CENPO: variants seen among roughly 807,000 people sequenced by gnomAD.
CENPO encodes centromeric protein O.
A neutral mutation model predicts 36.1 loss-of-function variants in CENPO; 30 were observed. That is an observed-to-expected ratio of 0.83 (90% confidence interval 0.62 to 1.13). The LOEUF is 1.13. Ranked by LOEUF, CENPO falls within the 50% of genes most tolerant of loss-of-function variation. The probability of loss-of-function intolerance (pLI) is 0.00; values close to 1 mark genes in which losing one functional copy is unlikely to be tolerated. For synonymous variants in CENPO, 171 were observed against 142.3 expected, an observed-to-expected ratio of 1.20 and a Z score of -1.44; for missense variants, 349 against 357.8, an observed-to-expected ratio of 0.98 and a Z score of 0.20.
intron 6 of CENPO, 124 bp from the exon 7 acceptor site, chr2:24,817,546 G>T (rs920708123): frequency 2.4e-6 from 3 of 1,249,640 alleles, no homozygotes; most frequent in Admixed American, 2.0e-5. Flanking sequence ...CACTGAGTGA[G>T]ATTGAATGTC....
intron 3 of CENPO, among the ~76,000 whole-genome samples, chr2:24,801,853 A>C (rs1026094234): frequency 6.6e-5 from 10 of 152,164 alleles, no homozygotes; most frequent in African/African-American, 2.2e-4. Context: ...GTTTTTTCCA[A>C]TTCTGTGAAG....
At position 24,821,029 on chromosome 2, in the gene CENPO, T is replaced by A. The variant is rs561632179; in HGVS notation, c.*1711T>A. On this transcript the variant is annotated 3_prime_UTR_variant, in exon 8 of 8. Coordinates refer to ENST00000380834, the MANE Select transcript of CENPO (RefSeq NM_001322101.2). ...CACATCTCCTGTTTATCCGTGTGCT[T>A]GTTAGGTGTCAGCCGCCACCCCCCC... 1.1e-6 allele frequency: 1 copy of A among 891,050 alleles called. No homozygotes were observed. The highest frequency in any genetic ancestry group is 1.7e-5 in the African/African-American group (1 of 58,348). The allele number at this position is 891,050 out of a possible 1,614,324, so 55.2% of individuals were successfully genotyped here.
chr2:24,814,371 T>C lies in CENPO; in HGVS notation c.217-5T>C. 2.9e-6 allele frequency: 4 copies of C among 1,378,598 alleles called. No individual in the cohort carries two copies. The highest frequency in any genetic ancestry group is 4.1e-6 in the Non-Finnish European group (4 of 965,052). 85.4% of individuals were successfully genotyped at this position (1,378,598 alleles called of 1,614,324 possible). A position where few individuals can be genotyped will look rare whatever the true frequency, so the allele number is the denominator to read the frequency against. ...ACCAAGATTGATTTGCTGCATATCT[T>C]GCAGGTGAAAGCATGTATTGCCAAT... On this transcript the variant is annotated splice_polypyrimidine_tract_variant and splice_region_variant and intron_variant, in intron 3 of 7. Transcript: ENST00000380834.
chr2:24,793,617 C>G (rs1391141152), intron 1 of CENPO, 116 bp downstream of exon 1: 2 of 1,427,342 alleles, frequency 1.4e-6, no homozygotes, highest in East Asian at 5.0e-5. Flanking sequence ...GCCCGCTGGA[C>G]CAGAGTAGCC....
rs554329230 is a variant in CENPO at position 24,816,918 on chromosome 2, TTCTC to T, written c.766+103_766+106del. ...CATGAAGTAGACCTCTTGAGACACT[TTCTC>T]TGTTTATATACTGTACATTACTCAG... On this transcript the variant is annotated intron_variant, in intron 6 of 7. Coordinates refer to ENST00000380834, the MANE Select transcript of CENPO (RefSeq NM_001322101.2). 1.3e-4 allele frequency: 147 copies of T among 1,160,672 alleles called. No homozygotes were observed. The East Asian group carries it at 3.0e-3, about 24-fold the overall frequency. The allele number at this position is 1,160,672 out of a possible 1,614,324, so 71.9% of individuals were successfully genotyped here. A position where few individuals can be genotyped will look rare whatever the true frequency, so the allele number is the denominator to read the frequency against.
At chr2:24,811,282 C>CTTTTTTTTTTTTTTT (rs70947848) in intron 3 of CENPO, among the ~76,000 whole-genome samples, 5 of 105,548 alleles carry the variant, frequency 4.7e-5, no homozygotes, top group African/African-American at 7.6e-5. Flanking sequence ...AGTCCATGAA[C>CTTTTTTTTTTTTTTT]TTTTTTTTTT....
At chr2:24,793,550 C>G (rs771412460) in intron 1 of CENPO, 49 bp downstream of exon 1, 3 of 1,523,804 alleles carry the variant, frequency 2.0e-6, no homozygotes, top group Non-Finnish European at 2.6e-6. Context: ...TCGGACCGGA[C>G]CGTGGCCAGG....
At chr2:24,801,012 C>T (rs990312922) in intron 3 of CENPO, among the ~76,000 whole-genome samples, 60 of 152,122 alleles carry the variant, frequency 3.9e-4, no homozygotes, top group African/African-American at 1.3e-3. Flanking sequence ...TTTTAATGAT[C>T]GCCATTCTAA....
intron 4 of CENPO, 72 bp from the exon 5 acceptor site, chr2:24,815,425 T>C (rs745732110): frequency 1.1e-4 from 133 of 1,176,594 alleles, no homozygotes; most frequent in Non-Finnish European, 1.6e-4. Flanking sequence ...CTGTGGAAGC[T>C]ACTGGAGGCA....
At chr2:24,798,712 G>C (rs1012890550) in intron 2 of CENPO, among the ~76,000 whole-genome samples, 1 of 151,832 alleles carries the variant, frequency 6.6e-6, no homozygotes, top group East Asian at 1.9e-4. Flanking sequence ...CACCCGCCTC[G>C]GCCTCCCAAA....
At chr2:24,794,182 A>C (rs1413213860) in intron 2 of CENPO, among the ~76,000 whole-genome samples, 2 of 152,240 alleles carry the variant, frequency 1.3e-5, no homozygotes, top group Non-Finnish European at 2.9e-5. Context: ...GAAACGGATA[A>C]GTTGCATCCA....
chr2:24,817,537 A>G (rs1356141279), intron 6 of CENPO, 133 bp from the exon 7 acceptor site: 2 of 1,146,656 alleles, frequency 1.7e-6, no homozygotes, highest in Admixed American at 2.2e-5. Flanking sequence ...CCCCAGCTGC[A>G]CTGAGTGAGA....
At chr2:24,817,311 A>G (rs543650499) in intron 6 of CENPO, among the ~76,000 whole-genome samples, 54 of 152,314 alleles carry the variant, frequency 3.5e-4, no homozygotes, top group Non-Finnish European at 6.6e-4. Flanking sequence ...GACATGGGCA[A>G]TAATGAAAAA....
intron 3 of CENPO, among the ~76,000 whole-genome samples, chr2:24,812,269 G>A (rs893865834): frequency 2.0e-5 from 3 of 152,150 alleles, no homozygotes; most frequent in Non-Finnish European, 4.4e-5. Flanking sequence ...CTTGTCAGGT[G>A]TGAAGTTTTG....
In CENPO at chr2:24,820,438, T is replaced by A; in HGVS notation, c.*1120T>A. 7.6e-7 allele frequency: 1 copy of A among 1,323,490 alleles called. No individual in the cohort carries two copies. The highest frequency in any genetic ancestry group is 9.6e-7 in the Non-Finnish European group (1 of 1,039,430). The allele number at this position is 1,323,490 out of a possible 1,614,324, so 82.0% of individuals were successfully genotyped here. On this transcript the variant is annotated 3_prime_UTR_variant, in exon 8 of 8. Transcript: ENST00000380834. ...CCCTTTGCCCCTTTCGTGGAGCTTTTCTGCCAGACGCCACTGAGACAGATC... is the reference window on the plus strand; with the variant it reads ...CCCTTTGCCCCTTTCGTGGAGCTTTACTGCCAGACGCCACTGAGACAGATC...
chr2:24,816,334 A>G (rs772174700), intron 5 of CENPO: 3 of 262,280 alleles, frequency 1.1e-5, no homozygotes. Flanking sequence ...TTTAACTTAA[A>G]TTGAAATGTG....
At chr2:24,794,060 G>A in intron 2 of CENPO, 95 bp downstream of exon 2, 1 of 948,750 alleles carries the variant, frequency 1.1e-6, no homozygotes. Flanking sequence ...GTGGGACCTG[G>A]CCTGTTTGGG....
rs1435890264 is a variant in CENPO at position 24,815,757 on chromosome 2, G to A, written c.594+1G>A. The A allele has an allele frequency of 1.2e-6, 2 of 1,614,006 alleles. No homozygotes were observed. Among genetic ancestry groups the A allele is most frequent in the East Asian group, 4.5e-5 (2 of 44,890 alleles). On this transcript the variant is annotated splice_donor_variant, in intron 5 of 7. Coordinates refer to ENST00000380834, the MANE Select transcript of CENPO (RefSeq NM_001322101.2). LOFTEE classifies it high-confidence loss of function. ...GAAGTACCAGGCAGACCGGCTTCAGGTATCTCTCTGGGATGTTATATGCCT... is the reference window on the plus strand; with the variant it reads ...GAAGTACCAGGCAGACCGGCTTCAGATATCTCTCTGGGATGTTATATGCCT...
At chr2:24,815,982 G>C (rs1666922897) in intron 5 of CENPO, 3 of 544,292 alleles carry the variant, frequency 5.5e-6, no homozygotes. Flanking sequence ...ATGCACCCCT[G>C]AATGGTGGTC....
Sources: allele counts gnomAD v4.1 joint callset (sites outside exome capture counted in the v4.1 genomes callset), GRCh38; gene constraint gnomAD v4.1.1; transcripts MANE v1.5; gene names NCBI Gene and HGNC (gene_info 2026-07-23, HGNC 2026-07-21).